The following CSMD3 variants were observed in gnomAD, a reference collection of about 807,000 sequenced individuals.
The protein encoded by CSMD3 is CUB and sushi domain-containing protein 3.
In CSMD3, 177 loss-of-function variants were observed where a neutral mutation model predicts 435.2. That is an observed-to-expected ratio of 0.41 (90% confidence interval 0.36 to 0.46). CSMD3 has a LOEUF of 0.46. CSMD3 is among the 20% of genes least tolerant of loss of function. The probability of loss-of-function intolerance (pLI) is 0.34; values close to 1 mark genes in which losing one functional copy is unlikely to be tolerated. For synonymous variants in CSMD3, 1,656 were observed against 1,520.5 expected, an observed-to-expected ratio of 1.09 and a Z score of -2.07; for missense variants, 4,265 against 4,504.6, an observed-to-expected ratio of 0.95 and a Z score of 1.52.
chr8:112,865,694 A>T (rs1180708141), intron 10 of CSMD3, among the ~76,000 whole-genome samples: 1 of 146,538 alleles, frequency 6.8e-6, no homozygotes, highest in Non-Finnish European at 1.5e-5. Context: ...CCCCACACAC[A>T]CACACACACA....
At chr8:112,855,532 A>G (rs1293609735) in intron 11 of CSMD3, among the ~76,000 whole-genome samples, 1 of 152,118 alleles carries the variant, frequency 6.6e-6, no homozygotes, top group Non-Finnish European at 1.5e-5. Context: ...GGCCTATAAT[A>G]TCCTAAGTAT....
At chr8:113,361,333 G>C (rs2094274686) in intron 1 of CSMD3, among the ~76,000 whole-genome samples, 1 of 152,102 alleles carries the variant, frequency 6.6e-6, no homozygotes, top group Non-Finnish European at 1.5e-5. Flanking sequence ...CCCATATTTT[G>C]AACCAGTTGC....
At chr8:112,249,155 GT>G (rs1012918963) in intron 63 of CSMD3, among the ~76,000 whole-genome samples, 2 of 152,062 alleles carry the variant, frequency 1.3e-5, no homozygotes, top group Admixed American at 6.6e-5. Context: ...TTAGAACCCA[GT>G]TAATAGTGTC....
intron 70 of CSMD3, 66 bp downstream of exon 70, chr8:112,228,690 A>G (rs1428805480): frequency 9.4e-6 from 14 of 1,493,930 alleles, no homozygotes; most frequent in Non-Finnish European, 8.4e-6. Flanking sequence ...TTTGAGCTAG[A>G]GCAGTAGAAA....
chr8:112,897,279 ATTAT>A (rs2081974332), intron 10 of CSMD3, among the ~76,000 whole-genome samples: 1 of 151,462 alleles, frequency 6.6e-6, no homozygotes, highest in South Asian at 2.1e-4. Context: ...GACCATGTCC[ATTAT>A]TTGTCAATGT....
intron 2 of CSMD3, chr8:113,313,438 C>T (rs2093885726): frequency 6.6e-6 from 1 of 152,144 alleles, no homozygotes; most frequent in South Asian, 2.1e-4. Context: ...TCTCCTGCCT[C>T]AGCCTCCCAA....
chr8:112,615,709 G>C (rs991768439), intron 22 of CSMD3, among the ~76,000 whole-genome samples: 1 of 151,972 alleles, frequency 6.6e-6, no homozygotes, highest in African/African-American at 2.4e-5. Flanking sequence ...TACGAAAAAA[G>C]AGTTCTGGTA....
At chr8:112,546,262 A>G (rs1827173145) in intron 27 of CSMD3, among the ~76,000 whole-genome samples, 1 of 152,198 alleles carries the variant, frequency 6.6e-6, no homozygotes, top group African/African-American at 2.4e-5. Context: ...CCATTAAATA[A>G]TTTTCAACAG....
chr8:113,386,939 G>T (rs996502641), intron 1 of CSMD3, among the ~76,000 whole-genome samples: 4 of 151,770 alleles, frequency 2.6e-5, no homozygotes, highest in African/African-American at 9.6e-5. Context: ...AGAGCTTCCC[G>T]CAATGGCAAT....
rs71281205 is a variant in CSMD3, at chr8:113,182,872, CTGTTGTTGT to C, written c.515-8965_515-8957del. On this transcript the variant is annotated intron_variant, in intron 3 of 70. Coordinates refer to ENST00000297405, the MANE Select transcript of CSMD3 (RefSeq NM_198123.2). ...GAGATGCACAGCAGTTTTGTTGTTG[CTGTTGTTGT>C]TGTTGTTGTTGTTGTTATCGTTTTT... is the stretch of plus-strand genomic sequence containing the variant. Among the ~76,000 whole-genome samples, 213 of 137,002 alleles carry C rather than the reference CTGTTGTTGT, an allele frequency of 1.6e-3. 1 individual carries two copies. Among genetic ancestry groups the C allele is most frequent in the Admixed American group, 2.6e-3 (37 of 14,004 alleles). 89.9% of individuals were successfully genotyped at this position (137,002 alleles called of 152,430 possible).
At chr8:112,729,962 G>C (rs184942580) in intron 13 of CSMD3, among the ~76,000 whole-genome samples, 1 of 152,178 alleles carries the variant, frequency 6.6e-6, no homozygotes, top group Admixed American at 6.6e-5. Flanking sequence ...TAAGAAACTA[G>C]TGTACTTAGA....
chr8:112,471,554 C>T (rs1818523040), intron 32 of CSMD3, among the ~76,000 whole-genome samples: 1 of 152,140 alleles, frequency 6.6e-6, no homozygotes, highest in African/African-American at 2.4e-5. Flanking sequence ...TTTAGTACTA[C>T]ATTTCTGATG....
chr8:112,674,712 T>G (rs1302885657), intron 16 of CSMD3, among the ~76,000 whole-genome samples: 2 of 152,256 alleles, frequency 1.3e-5, no homozygotes, highest in South Asian at 4.1e-4. Context: ...TCAATAGGCA[T>G]AGAAGGTAGA....
At chr8:113,176,379 C>T (rs1193848842) in intron 3 of CSMD3, among the ~76,000 whole-genome samples, 2 of 152,010 alleles carry the variant, frequency 1.3e-5, no homozygotes, top group Non-Finnish European at 2.9e-5. Context: ...TCTTCCAACC[C>T]TTTAATTCAG....
chr8:112,472,717 A>C lies in CSMD3; in HGVS notation c.5279-10T>G. The C allele has an allele frequency of 6.9e-7, 1 of 1,459,446 alleles. No homozygotes were observed. Among genetic ancestry groups the C allele is most frequent in the Non-Finnish European group, 9.6e-7 (1 of 1,039,006 alleles). The allele number at this position is 1,459,446 out of a possible 1,614,324, so 90.4% of individuals were successfully genotyped here. Reference sequence around the variant, plus strand: ...CGACTTCCACAGGGCGCTAGGAAAAAATGGCAAAAATATCATTTTTAGAAA... The same window carrying C: ...CGACTTCCACAGGGCGCTAGGAAAACATGGCAAAAATATCATTTTTAGAAA... On this transcript the variant is annotated splice_polypyrimidine_tract_variant and intron_variant, in intron 31 of 70. Transcript: ENST00000297405.
chr8:112,474,828 CCTT>C (rs1818882927), intron 31 of CSMD3, among the ~76,000 whole-genome samples: 1 of 152,120 alleles, frequency 6.6e-6, no homozygotes, highest in African/African-American at 2.4e-5. Flanking sequence ...GAATATTCTG[CCTT>C]TTTTCTTTAA....
chr8:113,382,537 A>G (rs1272202661), intron 1 of CSMD3, among the ~76,000 whole-genome samples: 1 of 152,208 alleles, frequency 6.6e-6, no homozygotes, highest in Non-Finnish European at 1.5e-5. Context: ...TTAACTTAGT[A>G]ATTTTCTTCT....
intron 1 of CSMD3, among the ~76,000 whole-genome samples, chr8:113,396,186 A>G (rs2094482821): frequency 6.6e-6 from 1 of 152,206 alleles, no homozygotes; most frequent in Admixed American, 6.5e-5. Context: ...TTGTAGCAAA[A>G]TATGATTCCC....
At chr8:112,727,586 A>G (rs1396631234) in intron 13 of CSMD3, among the ~76,000 whole-genome samples, 1 of 151,794 alleles carries the variant, frequency 6.6e-6, no homozygotes, top group East Asian at 1.9e-4. Flanking sequence ...TTGGCTTTTA[A>G]AAAATACTGA....
Sources: gnomAD v4.1 joint callset for allele counts (sites outside exome capture counted in the v4.1 genomes callset) on GRCh38, gnomAD v4.1.1 for gene constraint, MANE v1.5 for transcripts, NCBI Gene and HGNC (gene_info 2026-07-23, HGNC 2026-07-21) for gene names.